The following CECR2 variants were observed in gnomAD, a reference collection of about 807,000 sequenced individuals.
CECR2 encodes chromatin remodeling regulator CECR2.
CECR2 carries 30 observed loss-of-function variants against 154.5 expected under a neutral mutation model. That is an observed-to-expected ratio of 0.19 (90% CI 0.15 to 0.26). The LOEUF (loss-of-function observed/expected upper bound fraction) is 0.26. Ranked by LOEUF, CECR2 falls within the 10% of genes least tolerant of loss-of-function variation. The pLI is 1.00. For missense variants in CECR2, 1,743 were observed against 1,829.3 expected (o/e 0.95, Z 0.86); for synonymous variants, 725 against 683.7 (o/e 1.06, Z -0.94).
chr22:17,529,573 G>A (rs1431061175), intron 9 of CECR2, among the ~76,000 whole-genome samples: 1 of 151,312 alleles, frequency 6.6e-6, no homozygotes, highest in African/African-American at 2.5e-5. Context: ...GGTGGCACAT[G>A]CCTGTAGTCC....
intron 2 of CECR2, among the ~76,000 whole-genome samples, chr22:17,480,459 C>CACACAGAG (rs373106595): frequency 0.041 from 5,927 of 143,328 alleles, 175 homozygotes; most frequent in Middle Eastern, 0.099. Context: ...CACACACACA[C>CACACAGAG]AGAGAAAAGT....
At chr22:17,431,494 G>A (rs551506114) in intron 1 of CECR2, among the ~76,000 whole-genome samples, 5 of 152,184 alleles carry the variant, frequency 3.3e-5, no homozygotes, top group South Asian at 4.2e-4. Context: ...GAACTTCATC[G>A]GCTCTAAAAG....
chr22:17,498,704 A>G (rs2041942), intron 3 of CECR2, among the ~76,000 whole-genome samples: 15,176 of 152,036 alleles, frequency 0.1, 1,233 homozygotes, highest in East Asian at 0.44. Flanking sequence ...GCCACAGAGG[A>G]TCCCATGGGG....
chr22:17,432,101 C>G (rs2054433801), intron 1 of CECR2, among the ~76,000 whole-genome samples: 1 of 139,324 alleles, frequency 7.2e-6, no homozygotes, highest in Admixed American at 7.0e-5. Context: ...CACAGCCCCA[C>G]TTTGTGCCTG....
intron 2 of CECR2, among the ~76,000 whole-genome samples, chr22:17,484,060 A>G (rs1226364964): frequency 1.3e-5 from 2 of 152,226 alleles, no homozygotes; most frequent in South Asian, 2.1e-4. Flanking sequence ...GGGCTATGCC[A>G]TATAGTCTAG....
intron 1 of CECR2, among the ~76,000 whole-genome samples, chr22:17,391,144 C>G (rs1385837699): frequency 6.6e-6 from 1 of 152,122 alleles, no homozygotes; most frequent in South Asian, 2.1e-4. Flanking sequence ...CTTGTATGAC[C>G]ACAATGTTAT....
intron 1 of CECR2, among the ~76,000 whole-genome samples, chr22:17,371,052 A>G (rs955828103): frequency 2.0e-5 from 3 of 151,988 alleles, no homozygotes; most frequent in Admixed American, 6.6e-5. Context: ...CCCCAGCCCC[A>G]CGGATCTTAC....
chr22:17,503,294 G>A (rs2146891681), intron 6 of CECR2, among the ~76,000 whole-genome samples, 163 bp downstream of exon 6: 1 of 152,158 alleles, frequency 6.6e-6, no homozygotes, highest in Admixed American at 6.5e-5. Flanking sequence ...ACCTTATCCT[G>A]TGCCCAGCTC....
At position 17,541,692 on chromosome 22, in the gene CECR2, G is replaced by A. The variant is rs540673393; in HGVS notation, c.1885-147G>A. 8.4e-5 allele frequency: 73 copies of A among 868,608 alleles called. No individual in the cohort carries two copies. The South Asian group carries it at 1.3e-3, about 16-fold the overall frequency. The allele number at this position is 868,608 out of a possible 1,614,324, so 53.8% of individuals were successfully genotyped here. Reference sequence around the variant, plus strand: ...GGCAAGCCCTGATGCGGGTGAGCACGTGTGTTCACAGTCTCCCTGTCTCCA... The same window carrying A: ...GGCAAGCCCTGATGCGGGTGAGCACATGTGTTCACAGTCTCCCTGTCTCCA... On this transcript the variant is annotated intron_variant, in intron 14 of 18. Transcript: ENST00000262608.
intron 1 of CECR2, among the ~76,000 whole-genome samples, chr22:17,360,242 C>T (rs1266073828): frequency 6.6e-6 from 1 of 152,246 alleles, no homozygotes; most frequent in African/African-American, 2.4e-5. Flanking sequence ...GGCACGTCTG[C>T]AGTCCCATCT....
In CECR2 at chr22:17,409,966, ATTTAT is replaced by A. The variant is rs1300337697; in HGVS notation, c.126+40060_126+40064del. ...ATATTCAATCAAGTGTTTGCTGTCT[ATTTAT>A]TTATTTATTTATTTATTTATTTATT... On this transcript the variant is annotated intron_variant, in intron 1 of 18. Coordinates refer to ENST00000262608, the MANE Select transcript of CECR2 (RefSeq NM_001290047.2). 4.1e-5 allele frequency among the ~76,000 whole-genome samples: 4 copies of A among 97,634 alleles called. 1 individual carries two copies. Among genetic ancestry groups the A allele is most frequent in the Admixed American group, 2.1e-4 (2 of 9,332 alleles). The allele number at this position is 97,634 out of a possible 152,430, so 64.1% of individuals were successfully genotyped here.
intron 1 of CECR2, among the ~76,000 whole-genome samples, chr22:17,459,330 G>GT (rs1473514614): frequency 6.6e-6 from 1 of 152,132 alleles, no homozygotes; most frequent in African/African-American, 2.4e-5. Flanking sequence ...CCAGCCCTGT[G>GT]TCCCAGCCTA....
intron 8 of CECR2, among the ~76,000 whole-genome samples, chr22:17,517,829 C>CA (rs1255937144): frequency 6.6e-6 from 1 of 152,210 alleles, no homozygotes; most frequent in African/African-American, 2.4e-5. Flanking sequence ...AGGGCAAAGT[C>CA]AGAGTTTTTA....
chr22:17,548,643 T>C lies in CECR2; in HGVS notation c.3356T>C (p.Leu1119Pro). The change falls in exon 17 of 19, where the codon CTG (leucine) becomes CCG (proline). Residue 1119 changes from leucine to proline, a missense_variant. By Grantham distance (98) the Leu-to-Pro change is moderately conservative. Coordinates refer to ENST00000262608, the MANE Select transcript of CECR2 (RefSeq NM_001290047.2). ...GGCACTGTGAGCCAGTTTCCCCCGC[T>C]GTATATGCCTGGCCTAGAGTACCCG... ...TGGTVSQFPP[L>P]YMPGLEYPNS... 1 of 1,613,076 alleles carries C rather than the reference T, an allele frequency of 6.2e-7. No homozygotes were observed. Among genetic ancestry groups the C allele is most frequent in the Non-Finnish European group, 8.5e-7 (1 of 1,179,542 alleles).
At chr22:17,519,057 C>A (rs2056110001) in intron 8 of CECR2, 2 of 159,408 alleles carry the variant, frequency 1.3e-5, no homozygotes. Context: ...TAGATTCTTA[C>A]CAGGGTATTA....
At chr22:17,400,764 T>G (rs963786783) in intron 1 of CECR2, among the ~76,000 whole-genome samples, 1 of 152,188 alleles carries the variant, frequency 6.6e-6, no homozygotes, top group Non-Finnish European at 1.5e-5. Flanking sequence ...CTTTTTTGTT[T>G]GTTTTGAGAC....
At chr22:17,467,935 T>C (rs948982868) in intron 1 of CECR2, among the ~76,000 whole-genome samples, 6 of 152,202 alleles carry the variant, frequency 3.9e-5, no homozygotes, top group Admixed American at 3.3e-4. Context: ...ATGTGAAATG[T>C]GTTCTGTTTT....
intron 1 of CECR2, among the ~76,000 whole-genome samples, chr22:17,408,477 T>C (rs986458538): frequency 1.6e-4 from 25 of 152,192 alleles, no homozygotes; most frequent in African/African-American, 6.0e-4. Context: ...GTAAGATCTT[T>C]AAAGTCTGAA....
At chr22:17,440,724 A>G (rs1392955678) in intron 1 of CECR2, among the ~76,000 whole-genome samples, 3 of 152,156 alleles carry the variant, frequency 2.0e-5, no homozygotes, top group Non-Finnish European at 4.4e-5. Flanking sequence ...CTCCGAACAG[A>G]TTTATTAGAA....
Sources: allele counts gnomAD v4.1 joint callset (sites outside exome capture counted in the v4.1 genomes callset), GRCh38; gene constraint gnomAD v4.1.1; transcripts MANE v1.5; gene names NCBI Gene and HGNC (gene_info 2026-07-23, HGNC 2026-07-21).